The following SUCLG1 variants were observed in gnomAD, a reference collection of about 807,000 sequenced individuals.
The protein encoded by SUCLG1 is succinate-CoA ligase GDP/ADP-forming subunit alpha.
Under a neutral mutation model 37.3 loss-of-function variants are expected in SUCLG1, and 26 were observed. That is an observed-to-expected ratio of 0.70 (90% CI 0.51 to 0.97). The LOEUF is 0.97. SUCLG1 is among the 50% of genes least tolerant of loss of function. The pLI, the probability that SUCLG1 is intolerant of heterozygous loss-of-function variation, is 0.00. For missense variants in SUCLG1, 433 were observed against 432.9 expected (o/e 1.00, Z 0.00); for synonymous variants, 163 against 155.6 (o/e 1.05, Z -0.36).
At chr2:84,457,909 C>G (rs1380614508) in intron 1 of SUCLG1, among the ~76,000 whole-genome samples, 1 of 151,992 alleles carries the variant, frequency 6.6e-6, no homozygotes, top group Admixed American at 6.6e-5. Context: ...CGTTATCTAG[C>G]CAGACCTTTG....
At position 84,441,398 on chromosome 2, in the gene SUCLG1, G is replaced by A. The variant is rs2104254204; in HGVS notation, c.380C>T (p.Ala127Val). 1 of 1,614,194 alleles carries A rather than the reference G, an allele frequency of 6.2e-7. No homozygotes were observed. The highest frequency in any genetic ancestry group is 8.5e-7 in the Non-Finnish European group (1 of 1,180,040). The change falls in exon 4 of 9, where the codon GCT becomes GTT. Residue 127 changes from alanine (A) to valine (V), a missense_variant. By Grantham distance (64) the Ala-to-Val change is moderately conservative. Coordinates refer to ENST00000393868, the MANE Select transcript of SUCLG1 (RefSeq NM_003849.4). Reference sequence around the variant, plus strand: ...TGCCTCAATAGCTTCATTAATGGCAGCAGCAGCAAAAGGCGGAGGAACATA... The same window carrying A: ...TGCCTCAATAGCTTCATTAATGGCAACAGCAGCAAAAGGCGGAGGAACATA... The part of the protein sequence containing the change: ...VIYVPPPFAA[A>V]AINEAIEAEI...
chr2:84,443,340 G>C lies in SUCLG1; in HGVS notation c.262C>G (p.Pro88Ala). The change falls in exon 3 of 9, where the codon CCA becomes GCA. Residue 88 changes from proline to alanine, a missense_variant. Coordinates refer to ENST00000393868, the MANE Select transcript of SUCLG1 (RefSeq NM_003849.4). ...AGATGTGTCTGGCCTCCTTTCCCTG[G>C]AGTGGTTCCTCCAACGAGTTTGGTG... Reference protein sequence around the residue: ...YGTKLVGGTTPGKGGQTHLGL... With the variant: ...YGTKLVGGTTAGKGGQTHLGL... 2 of 1,614,146 alleles carry C rather than the reference G, an allele frequency of 1.2e-6. No homozygotes were observed. Among genetic ancestry groups the C allele is most frequent in the Non-Finnish European group, 1.7e-6 (2 of 1,180,000 alleles).
intron 7 of SUCLG1, chr2:84,426,938 T>C (rs1165075868): frequency 6.5e-6 from 1 of 153,064 alleles, no homozygotes; most frequent in African/African-American, 2.4e-5. Context: ...CTTTTGTTGA[T>C]ATGTATTATA....
chr2:84,441,483 C>G (rs1234008800), intron 3 of SUCLG1, 24 bp from the exon 4 acceptor site: 3 of 1,606,938 alleles, frequency 1.9e-6, no homozygotes, highest in Admixed American at 3.4e-5. Context: ...GACGAAGCAC[C>G]TTATTATTTG....
intron 2 of SUCLG1, among the ~76,000 whole-genome samples, chr2:84,444,501 G>A (rs1195113282): frequency 6.6e-6 from 1 of 152,122 alleles, no homozygotes; most frequent in Non-Finnish European, 1.5e-5. Context: ...ATATCACAAG[G>A]CAAATGGAGG....
intron 8 of SUCLG1, 33 bp downstream of exon 8, chr2:84,425,382 C>T: frequency 6.2e-7 from 1 of 1,613,574 alleles, no homozygotes. Flanking sequence ...AAGCCTGCAA[C>T]CTCAGAGCAC....
At chr2:84,423,795 G>A (rs1167968225) in intron 8 of SUCLG1, 23 bp from the exon 9 acceptor site, 1 of 1,600,484 alleles carries the variant, frequency 6.2e-7, no homozygotes, top group Admixed American at 1.7e-5. Context: ...AAGAGAGAGA[G>A]AAGAGAGATG....
chr2:84,431,043 G>A (rs1436419177), intron 7 of SUCLG1, among the ~76,000 whole-genome samples: 1 of 152,142 alleles, frequency 6.6e-6, no homozygotes, highest in Non-Finnish European at 1.5e-5. Flanking sequence ...ATCTCTGAAG[G>A]GAAGTGCCAT....
At chr2:84,424,256 TCTTAAGCAA>T (rs1672498175) in intron 8 of SUCLG1, among the ~76,000 whole-genome samples, 1 of 152,168 alleles carries the variant, frequency 6.6e-6, no homozygotes, top group Non-Finnish European at 1.5e-5. Flanking sequence ...CAAACAAATA[TCTTAAGCAA>T]AGTAGTGTTT....
chr2:84,450,362 G>A lies in SUCLG1; in HGVS notation c.98-610C>T, dbSNP rs181470493. Among the ~76,000 whole-genome samples the A allele has an allele frequency of 1.6e-3, 236 of 148,316 alleles. 2 individuals are homozygous for A. Among genetic ancestry groups the A allele is most frequent in the Non-Finnish European group, 2.7e-4 (18 of 67,376 alleles). On this transcript the variant is annotated intron_variant, in intron 1 of 8. Coordinates refer to ENST00000393868, the MANE Select transcript of SUCLG1 (RefSeq NM_003849.4). ...ATGAACTCATGTATAAAAGACACAG[G>A]GAAAATAAAACAAATAGGAAAGTAG... is the stretch of plus-strand genomic sequence containing the variant.
chr2:84,449,548 G>T, intron 2 of SUCLG1, 101 bp downstream of exon 2: 1 of 812,630 alleles, frequency 1.2e-6, no homozygotes, highest in Non-Finnish European at 1.9e-6. Context: ...ATATTTTTCT[G>T]CAACAATCAT....
chr2:84,454,681 T>C (rs543209282), intron 1 of SUCLG1, among the ~76,000 whole-genome samples: 2 of 152,288 alleles, frequency 1.3e-5, no homozygotes, highest in Admixed American at 6.5e-5. Context: ...GGAAAGAGGC[T>C]GAGTAATCTG....
intron 2 of SUCLG1, 122 bp from the exon 3 acceptor site, chr2:84,443,522 C>T: frequency 3.6e-6 from 3 of 843,168 alleles, no homozygotes; most frequent in Non-Finnish European, 5.9e-6. Context: ...CAGACAATAA[C>T]ATATATTTAC....
At position 84,445,875 on chromosome 2, in the gene SUCLG1, G is replaced by A. The variant is rs138359487; in HGVS notation, c.202-2475C>T. Among the ~76,000 whole-genome samples the A allele has an allele frequency of 8.6e-3, 1,311 of 152,276 alleles. 8 individuals are homozygous for A. Among genetic ancestry groups the A allele is most frequent in the Middle Eastern group, 0.024 (7 of 294 alleles). ...CTAATCAAACACTCTGATTGTCTTA[G>A]ATTTCAGTCAAGTAAAAGCCAAACT... On this transcript the variant is annotated intron_variant, in intron 2 of 8. Transcript: ENST00000393868.
chr2:84,443,377 T>C lies in SUCLG1; in HGVS notation c.225A>G (p.Ala75=). The C allele has an allele frequency of 6.2e-7, 1 of 1,614,110 alleles. No individual in the cohort carries two copies. Among genetic ancestry groups the C allele is most frequent in the Non-Finnish European group, 8.5e-7 (1 of 1,179,972 alleles). The part of the protein sequence containing the change: ...GKQGTFHSQQ[A]LEYGTKLVGG... ...CAACGAGTTTGGTGCCATATTCCAA[T>C]GCCTGCTGGCTGTGAAAGGTGCCCT... Residue 75 remains alanine (A), a synonymous_variant, in exon 3 of 9, where the codon GCA becomes GCG. Coordinates refer to ENST00000393868, the MANE Select transcript of SUCLG1 (RefSeq NM_003849.4).
intron 1 of SUCLG1, among the ~76,000 whole-genome samples, chr2:84,456,656 A>T (rs889032495): frequency 5.3e-5 from 8 of 151,408 alleles, no homozygotes; most frequent in Admixed American, 1.3e-4. Flanking sequence ...CTTCAACTGG[A>T]TCCTTTTCCT....
rs943721369 is a variant in SUCLG1, at chr2:84,431,639, T to C, written c.694A>G (p.Asn232Asp). The change falls in exon 7 of 9, where the codon AAT (asparagine) becomes GAT (aspartate). Residue 232 changes from asparagine (N) to aspartate (D), a missense_variant. Physicochemically the swap from Asn to Asp is conservative, Grantham distance 23. Coordinates refer to ENST00000393868, the MANE Select transcript of SUCLG1 (RefSeq NM_003849.4). ...LCVGIGGDPF[N>D]GTDFIDCLEI... is the part of the protein sequence containing the mutation. ...AGGCAGTCAATAAAATCTGTTCCAT[T>C]AAAAGGATCACCTCCAATGCCTGAA... 7 of 1,613,812 alleles carry C rather than the reference T, an allele frequency of 4.3e-6. No individual in the cohort carries two copies. Among genetic ancestry groups the C allele is most frequent in the Non-Finnish European group, 8.5e-7 (1 of 1,179,920 alleles).
At chr2:84,448,992 G>A (rs1471106768) in intron 2 of SUCLG1, 1 of 374,002 alleles carries the variant, frequency 2.7e-6, no homozygotes, top group Non-Finnish European at 5.5e-6. Context: ...ATTCTTATGT[G>A]GCATTTTATT....
At chr2:84,433,618 G>A in intron 5 of SUCLG1, 183 bp from the exon 6 acceptor site, 4 of 612,640 alleles carry the variant, frequency 6.5e-6, no homozygotes, top group Non-Finnish European at 1.2e-5. Context: ...AATTCAAGCA[G>A]GGGGGTTTTT....
Sources: allele counts gnomAD v4.1 joint callset (sites outside exome capture counted in the v4.1 genomes callset), GRCh38; gene constraint gnomAD v4.1.1; transcripts MANE v1.5; gene names NCBI Gene and HGNC (gene_info 2026-07-23, HGNC 2026-07-21).